FAM50A: variants seen among roughly 807,000 people sequenced by gnomAD.
FAM50A encodes family with sequence similarity 50 member A.
FAM50A carries 6 observed loss-of-function variants against 35.5 expected under a neutral mutation model. The observed-to-expected ratio is 0.17, with a 90% confidence interval of 0.09 to 0.33. The LOEUF is 0.33. Among genes scored for constraint, FAM50A ranks in the 10% least tolerant of loss-of-function variants. The pLI is 1.00. For synonymous variants in FAM50A, 120 were observed against 110.9 expected, an observed-to-expected ratio of 1.08 and a Z score of -0.52; for missense variants, 145 against 295.5, an observed-to-expected ratio of 0.49 and a Z score of 3.73.
chrX:154,449,879 C>G lies in FAM50A; in HGVS notation c.781-4C>G, dbSNP rs1003618092. The stretch of plus-strand genomic sequence containing the variant: ...GACGCCGCTTTCCTGCCCTTGGCTC[C>G]CAGCATCACAGCTTCTACGACTTCA... On this transcript the variant is annotated splice_polypyrimidine_tract_variant and splice_region_variant and intron_variant, in intron 9 of 12. Transcript: ENST00000393600. 8.3e-7 allele frequency: 1 copy of G among 1,211,402 alleles called. No homozygotes were observed. Among genetic ancestry groups the G allele is most frequent in the Non-Finnish European group, 1.1e-6 (1 of 895,264 alleles).
Position 154,444,350 on chromosome X carries a change from C to T in FAM50A, c.111+4C>T. ...GATGAAGCAGCGCATCGCGGAGGTG[C>T]GAGCCGGGGAGCCTCGGAGCATGCG... is the stretch of plus-strand genomic sequence containing the variant. On this transcript the variant is annotated splice_donor_region_variant and intron_variant, in intron 1 of 12. Transcript: ENST00000393600. 1 of 1,057,515 alleles carries T rather than the reference C, an allele frequency of 9.5e-7. No individual in the cohort carries two copies. The highest frequency in any genetic ancestry group is 1.2e-6 in the Non-Finnish European group (1 of 802,518). The allele number at this position is 1,057,515 out of a possible 1,213,427, so 87.2% of individuals were successfully genotyped here.
chrX:154,444,159 C>T lies in FAM50A; in HGVS notation c.-77C>T. 1 of 296,368 alleles carries T rather than the reference C, an allele frequency of 3.4e-6. No individual in the cohort carries two copies. Among genetic ancestry groups the T allele is most frequent in the Non-Finnish European group, 4.6e-6 (1 of 219,642 alleles). The allele number at this position is 296,368 out of a possible 1,213,427, so 24.4% of individuals were successfully genotyped here. A position where few individuals can be genotyped will look rare whatever the true frequency, so the allele number is the denominator to read the frequency against. On this transcript the variant is annotated 5_prime_UTR_variant, in exon 1 of 13. Transcript: ENST00000393600. ...GGGCGTCAGCTGACTGTTCGGCCGC[C>T]ACCGCCGCTGCCGCTGCCGCTGTCG...
At chrX:154,445,336 G>C in intron 1 of FAM50A, 1 of 349,153 alleles carries the variant, frequency 2.9e-6, no homozygotes, top group Non-Finnish European at 5.1e-6. Flanking sequence ...CTTGGGTCTC[G>C]GAAGCTTCAG....
intron 3 of FAM50A, 35 bp from the exon 4 acceptor site, chrX:154,446,380 C>T (rs1356808685): frequency 8.5e-7 from 1 of 1,182,695 alleles, no homozygotes; most frequent in Non-Finnish European, 1.2e-6. Context: ...TCGGGAAGGA[C>T]ATGATGTGTG....
At chrX:154,449,366 C>A in intron 8 of FAM50A, 69 bp downstream of exon 8, 1 of 924,127 alleles carries the variant, frequency 1.1e-6, no homozygotes, top group Admixed American at 2.2e-5. Context: ...TGCCAGACAC[C>A]CAGTGTGATG....
Position 154,444,350 on chromosome X carries a change from C to G in FAM50A, c.111+4C>G. On this transcript the variant is annotated splice_donor_region_variant and intron_variant, in intron 1 of 12. Coordinates refer to ENST00000393600, the MANE Select transcript of FAM50A (RefSeq NM_004699.4). ...GATGAAGCAGCGCATCGCGGAGGTG[C>G]GAGCCGGGGAGCCTCGGAGCATGCG... 9.5e-7 allele frequency: 1 copy of G among 1,057,540 alleles called. No homozygotes were observed. 87.2% of individuals were successfully genotyped at this position (1,057,540 alleles called of 1,213,427 possible). A position where few individuals can be genotyped will look rare whatever the true frequency, so the allele number is the denominator to read the frequency against.
Position 154,448,967 on chromosome X carries a change from C to T in FAM50A, c.648+13C>T. 1 of 1,196,799 alleles carries T rather than the reference C, an allele frequency of 8.4e-7. No homozygotes were observed. The highest frequency in any genetic ancestry group is 1.1e-6 in the Non-Finnish European group (1 of 883,263). On this transcript the variant is annotated intron_variant, in intron 7 of 12. Transcript: ENST00000393600. ...GCGGACAGTCAAGGTAGGCAGCGTG[C>T]AGCCTGCTTCCTGCTCACCATGGGC...
At chrX:154,448,201 T>C (rs1161092181) in intron 4 of FAM50A, among the ~76,000 whole-genome samples, 2 of 107,987 alleles carry the variant, frequency 1.9e-5, no homozygotes, top group Admixed American at 2.0e-4. Flanking sequence ...TCTGAGTAGC[T>C]GGTACTACAG....
At chrX:154,449,152 T>A in intron 7 of FAM50A, 69 bp from the exon 8 acceptor site, 2 of 1,011,610 alleles carry the variant, frequency 2.0e-6, no homozygotes, top group Non-Finnish European at 1.4e-6. Flanking sequence ...CCTCTGGGCC[T>A]CTGCCTTGTT....
At chrX:154,447,330 G>A (rs1339715308) in intron 4 of FAM50A, among the ~76,000 whole-genome samples, 2 of 111,703 alleles carry the variant, frequency 1.8e-5, no homozygotes, top group Non-Finnish European at 3.8e-5. Flanking sequence ...TGTCACCCAG[G>A]GAATGGCAGA....
At chrX:154,446,706 G>C in intron 4 of FAM50A, 146 bp downstream of exon 4, 1 of 855,828 alleles carries the variant, frequency 1.2e-6, no homozygotes, top group Non-Finnish European at 1.6e-6. Flanking sequence ...ACCGGGGAGG[G>C]AAGAGGCTGG....
rs782158952 is a variant in FAM50A, at chrX:154,446,512, G to A, written c.394G>A (p.Glu132Lys). 17 of 1,187,079 alleles carry A rather than the reference G, an allele frequency of 1.4e-5. No homozygotes were observed. Among genetic ancestry groups the A allele is most frequent in the East Asian group, 1.2e-4 (4 of 33,317 alleles). ...CCTGGAGGAGGAAGAAGAGGGAGGC[G>A]AGGAGGAAGAGGAGGCGGCCATGTA... ...FTLEEEEEGG[E>K]EEEEAAMYEE... The change falls in exon 4 of 13, where the codon GAG (glutamate) becomes AAG (lysine). Residue 132 changes from glutamate to lysine, a missense_variant. Around this residue, in one of 5 missense-constraint regions of FAM50A, gnomAD observed 32 missense variants for 22.9 expected, o/e 1.40. Transcript: ENST00000393600.
intron 10 of FAM50A, 45 bp downstream of exon 10, chrX:154,449,976 ATGT>A: frequency 1.7e-6 from 2 of 1,206,837 alleles, no homozygotes; most frequent in Non-Finnish European, 2.2e-6. Context: ...CTTGCCGCCG[ATGT>A]TGTCACTGGG....
At chrX:154,448,617 G>A in intron 5 of FAM50A, 57 bp downstream of exon 5, 1 of 1,185,994 alleles carries the variant, frequency 8.4e-7, no homozygotes, top group South Asian at 1.8e-5. Context: ...GGAGACCCTT[G>A]CTTAGGGAGC....
intron 1 of FAM50A, 154 bp downstream of exon 1, chrX:154,444,500 C>T (rs1219573858): frequency 8.2e-6 from 2 of 243,711 alleles, no homozygotes; most frequent in South Asian, 1.5e-4. Flanking sequence ...GCAGGGCACA[C>T]AGAAGCAAGC....
chrX:154,449,300 G>A lies in FAM50A; in HGVS notation c.725+3G>A. 8.3e-7 allele frequency: 1 copy of A among 1,198,804 alleles called. No homozygotes were observed. Among genetic ancestry groups the A allele is most frequent in the Non-Finnish European group, 1.1e-6 (1 of 883,081 alleles). On this transcript the variant is annotated splice_donor_region_variant and intron_variant, in intron 8 of 12. Transcript: ENST00000393600. Reference sequence around the variant, plus strand: ...CGGAAAGACTTCAGTGAGCTGAGGTGTGAGGTGTGCGTGTGTGCACGGTGG... The same window carrying A: ...CGGAAAGACTTCAGTGAGCTGAGGTATGAGGTGTGCGTGTGTGCACGGTGG...
rs782668182 is a variant in FAM50A, at chrX:154,449,020, G to A, written c.648+66G>A. ...AGCCTCCCTCAGGTTCCGTGGGAAG[G>A]AACTGACCTTCCTGACTTGGGAAGC... On this transcript the variant is annotated intron_variant, in intron 7 of 12. Transcript: ENST00000393600. 8.6e-6 allele frequency: 9 copies of A among 1,051,985 alleles called. 1 individual carries two copies. The Middle Eastern group carries it at 1.3e-3, about 149-fold the overall frequency. The allele number at this position is 1,051,985 out of a possible 1,213,427, so 86.7% of individuals were successfully genotyped here. A position where few individuals can be genotyped will look rare whatever the true frequency, so the allele number is the denominator to read the frequency against.
chrX:154,444,684 GCCCCTCGGCCCTCAGAGCCAGGCCTCTGC>G (rs1275085214), intron 1 of FAM50A: 158 of 125,459 alleles, frequency 1.3e-3, no homozygotes, highest in South Asian at 2.6e-3. Context: ...CCTGGCTCTG[GCCCCTCGGCCCTCAGAGCCAGGCCTCTGC>G]CCCCTCGGCC....
chrX:154,445,767 C>T (rs1557199737), intron 2 of FAM50A, 45 bp from the exon 3 acceptor site: 1 of 1,189,170 alleles, frequency 8.4e-7, no homozygotes, highest in South Asian at 1.8e-5. Flanking sequence ...CACTCTTCCG[C>T]TGGCCCTGCG....
Sources: allele counts gnomAD v4.1 joint callset (sites outside exome capture counted in the v4.1 genomes callset), GRCh38; gene constraint gnomAD v4.1.1; regional missense constraint gnomAD v4.1.1; transcripts MANE v1.5; gene names NCBI Gene and HGNC (gene_info 2026-07-23, HGNC 2026-07-21).